ABI3BP: variants seen among roughly 807,000 people sequenced by gnomAD.
ABI3BP encodes target of Nesh-SH3.
Under a neutral mutation model 268.6 loss-of-function variants are expected in ABI3BP, and 216 were observed. The observed-to-expected ratio is 0.80, with a 90% CI of 0.72 to 0.90. The LOEUF (loss-of-function observed/expected upper bound fraction) is 0.90. Among genes scored for constraint, ABI3BP ranks in the 40% least tolerant of loss-of-function variants. The pLI, the probability that ABI3BP is intolerant of heterozygous loss-of-function variation, is 0.00. For missense variants in ABI3BP, 2,090 were observed against 2,182.4 expected, an observed-to-expected ratio of 0.96 and a Z score of 0.84; for synonymous variants, 730 against 730.0, an observed-to-expected ratio of 1.00 and a Z score of 0.00.
intron 32 of ABI3BP, among the ~76,000 whole-genome samples, chr3:100,830,374 A>G (rs1424430700): frequency 6.6e-6 from 1 of 151,690 alleles, no homozygotes; most frequent in Non-Finnish European, 1.5e-5. Flanking sequence ...TTACATTGCA[A>G]TATATAAACC....
At position 100,850,922 on chromosome 3, in the gene ABI3BP, ATACTT is replaced by A. The variant is rs557463127; in HGVS notation, c.1352-193_1352-189del. On this transcript the variant is annotated intron_variant, in intron 15 of 67. Coordinates refer to ENST00000471714, the MANE Select transcript of ABI3BP (RefSeq NM_001375547.2). ...GATGAGCTCACTTTAAAAAACATAC[ATACTT>A]TAAATATTAGAAACCATGATTAAAC... Among the ~76,000 whole-genome samples, 23 of 152,318 alleles carry A rather than the reference ATACTT, an allele frequency of 1.5e-4. No homozygotes were observed. In the South Asian group the frequency reaches 4.8e-3, roughly 32 times the overall value.
At chr3:100,856,362 A>T (rs1353547438) in intron 14 of ABI3BP, among the ~76,000 whole-genome samples, 1 of 152,214 alleles carries the variant, frequency 6.6e-6, no homozygotes, top group Non-Finnish European at 1.5e-5. Flanking sequence ...AGAATTTAAC[A>T]CTGAAAATAA....
intron 9 of ABI3BP, among the ~76,000 whole-genome samples, chr3:100,872,037 T>C: frequency 6.6e-6 from 1 of 151,998 alleles, no homozygotes. Flanking sequence ...AAAGATGGGG[T>C]CTTGCTATAT....
At chr3:100,919,105 C>T (rs2153601755) in intron 2 of ABI3BP, among the ~76,000 whole-genome samples, 1 of 152,262 alleles carries the variant, frequency 6.6e-6, no homozygotes, top group South Asian at 2.1e-4. Context: ...AGAGAGGGCT[C>T]AGCTGGCTTC....
intron 58 of ABI3BP, among the ~76,000 whole-genome samples, chr3:100,778,857 C>T (rs1215260648): frequency 6.6e-6 from 1 of 152,184 alleles, no homozygotes; most frequent in East Asian, 1.9e-4. Context: ...TTTGAGCATC[C>T]TCAGATTTTA....
In ABI3BP at chr3:100,913,899, C is replaced by T. The variant is rs559160068; in HGVS notation, c.260-11213G>A. ...CAGTTCATGCTGTTTATTCATGTAC[C>T]TCTAAACATGGAAACATAGTAATTG... On this transcript the variant is annotated intron_variant, in intron 2 of 67. Transcript: ENST00000471714. 6.6e-5 allele frequency among the ~76,000 whole-genome samples: 10 copies of T among 152,224 alleles called. No homozygotes were observed. The South Asian group carries it at 2.1e-3, about 32-fold the overall frequency.
At chr3:100,751,703 GTTTAC>G (rs1048449348) in intron 66 of ABI3BP, 29 bp from the exon 67 acceptor site, 1 of 1,558,106 alleles carries the variant, frequency 6.4e-7, no homozygotes, top group Non-Finnish European at 8.7e-7. Context: ...AAAGGATAAA[GTTTAC>G]TTTCTTACTT....
chr3:100,945,777 A>G, intron 1 of ABI3BP: 1 of 304,582 alleles, frequency 3.3e-6, no homozygotes, highest in Non-Finnish European at 6.4e-6. Context: ...TAGTGCTGCT[A>G]TAAAATTTCA....
intron 1 of ABI3BP, among the ~76,000 whole-genome samples, chr3:100,942,513 C>A (rs933141508): frequency 1.3e-5 from 2 of 152,024 alleles, no homozygotes; most frequent in Non-Finnish European, 2.9e-5. Flanking sequence ...AGAAAAGTAA[C>A]CCGATAGGCT....
chr3:100,850,824 G>A, intron 15 of ABI3BP, 90 bp from the exon 16 acceptor site: 2 of 970,474 alleles, frequency 2.1e-6, no homozygotes, highest in Non-Finnish European at 3.2e-6. Flanking sequence ...TGCCTCATAT[G>A]AGGAAAAATA....
chr3:100,945,122 A>G (rs1481395152), intron 1 of ABI3BP, among the ~76,000 whole-genome samples: 1 of 152,180 alleles, frequency 6.6e-6, no homozygotes, highest in Non-Finnish European at 1.5e-5. Flanking sequence ...CATCCAGAAA[A>G]AATACTATCT....
chr3:100,978,452 T>C (rs1450474502), intron 1 of ABI3BP, among the ~76,000 whole-genome samples: 3 of 152,186 alleles, frequency 2.0e-5, no homozygotes, highest in Admixed American at 2.0e-4. Flanking sequence ...TTAATACATA[T>C]ACACAAGTGG....
At chr3:100,839,444 G>A (rs2098658636) in intron 24 of ABI3BP, 125 bp downstream of exon 24, 3 of 1,031,122 alleles carry the variant, frequency 2.9e-6, no homozygotes, top group Admixed American at 4.0e-5. Flanking sequence ...GACAGGAAAG[G>A]TGAGGAAAAG....
rs1479501588 is a variant in ABI3BP at position 100,907,135 on chromosome 3, T to A, written c.260-4449A>T. 2.6e-5 allele frequency among the ~76,000 whole-genome samples: 4 copies of A among 152,214 alleles called. No homozygotes were observed. The East Asian group carries it at 7.7e-4, about 29-fold the overall frequency. ...CAAGTCAAAGTACTTAACCTCTGTG[T>A]ACCTCAGTTTCCTGCAAAGTAGGAA... On this transcript the variant is annotated intron_variant, in intron 2 of 67. Transcript: ENST00000471714.
intron 29 of ABI3BP, among the ~76,000 whole-genome samples, chr3:100,833,834 C>T (rs2098532140): frequency 6.6e-6 from 1 of 152,208 alleles, no homozygotes; most frequent in South Asian, 2.1e-4. Context: ...GCATTACTGT[C>T]CAACTAAAAG....
At chr3:100,862,043 A>G (rs1289107725) in intron 14 of ABI3BP, among the ~76,000 whole-genome samples, 3 of 152,204 alleles carry the variant, frequency 2.0e-5, no homozygotes, top group Non-Finnish European at 2.9e-5. Context: ...AGAGATCTCT[A>G]TCAATGAGCC....
intron 20 of ABI3BP, chr3:100,844,435 T>C (rs118012717): frequency 2.0e-6 from 2 of 985,414 alleles, no homozygotes; most frequent in East Asian, 2.3e-4. Flanking sequence ...TGTGGATTTT[T>C]ACTCGTTGAC....
intron 32 of ABI3BP, among the ~76,000 whole-genome samples, chr3:100,830,165 A>ATATATATATAT (rs2098467604): frequency 9.3e-6 from 1 of 107,832 alleles, no homozygotes; most frequent in Non-Finnish European, 1.9e-5. Context: ...ATATATATAT[A>ATATATATATAT]AAATGCAGAT....
chr3:100,841,901 G>GAAA, intron 21 of ABI3BP, 97 bp downstream of exon 21: 545 of 817,590 alleles, frequency 6.7e-4, no homozygotes, highest in East Asian at 1.2e-3. Flanking sequence ...ATCTGGAGAA[G>GAAA]AAAAAAAAAA....
Sources: gnomAD v4.1 joint callset for allele counts (sites outside exome capture counted in the v4.1 genomes callset) on GRCh38, gnomAD v4.1.1 for gene constraint, MANE v1.5 for transcripts, NCBI Gene and HGNC (gene_info 2026-07-23, HGNC 2026-07-21) for gene names.